SP4: variants seen among roughly 807,000 people sequenced by gnomAD.
SP4 encodes Sp4 transcription factor.
SP4 carries 19 observed loss-of-function variants against 72.8 expected under a neutral mutation model. That is an observed-to-expected ratio of 0.26 (90% CI 0.18 to 0.38). The LOEUF is 0.38. SP4 is among the 10% of genes least tolerant of loss of function. SP4 has a pLI of 1.00. For synonymous variants in SP4, 395 were observed against 333.1 expected (o/e 1.19, Z -2.02); for missense variants, 1,008 against 926.3 (o/e 1.09, Z -1.14).
At chr7:21,501,339 A>G (rs1357689590) in intron 5 of SP4, among the ~76,000 whole-genome samples, 3 of 151,676 alleles carry the variant, frequency 2.0e-5, no homozygotes, top group Non-Finnish European at 2.9e-5. Context: ...ATTTTCTCAC[A>G]AAGTCCCTCC....
At chr7:21,483,546 A>C (rs1438765569) in intron 5 of SP4, among the ~76,000 whole-genome samples, 1 of 151,902 alleles carries the variant, frequency 6.6e-6, no homozygotes, top group Non-Finnish European at 1.5e-5. Context: ...TGTTGATGGA[A>C]TGAAATGAGA....
chr7:21,480,412 G>A (rs1784651579), intron 4 of SP4, among the ~76,000 whole-genome samples: 1 of 152,076 alleles, frequency 6.6e-6, no homozygotes, highest in Admixed American at 6.6e-5. Context: ...CTTGTTGTAG[G>A]TGTATTCTGA....
chr7:21,470,071 T>C (rs1784286738), intron 3 of SP4, among the ~76,000 whole-genome samples: 1 of 152,184 alleles, frequency 6.6e-6, no homozygotes, highest in South Asian at 2.1e-4. Flanking sequence ...TCCACTTGAT[T>C]TGGTTTCTTA....
rs143442504 is a variant in SP4, at chr7:21,512,019, A to G, written c.*750A>G. On this transcript the variant is annotated 3_prime_UTR_variant, in exon 6 of 6. Coordinates refer to ENST00000222584, the MANE Select transcript of SP4 (RefSeq NM_003112.5). ...GAAAAAAATGGTTAAAACAAAACTCATCATAGCTTCAGAAAAATAAAATGA... is the reference window on the plus strand; with the variant it reads ...GAAAAAAATGGTTAAAACAAAACTCGTCATAGCTTCAGAAAAATAAAATGA... 177 of 152,746 alleles carry G rather than the reference A, an allele frequency of 1.2e-3. No homozygotes were observed. Among genetic ancestry groups the G allele is most frequent in the African/African-American group, 4.2e-3 (173 of 41,580 alleles). 9.5% of individuals were successfully genotyped at this position (152,746 alleles called of 1,614,324 possible). A position where few individuals can be genotyped will look rare whatever the true frequency, so the allele number is the denominator to read the frequency against.
At chr7:21,477,003 A>G in intron 3 of SP4, 76 bp from the exon 4 acceptor site, 1 of 1,059,022 alleles carries the variant, frequency 9.4e-7, no homozygotes, top group East Asian at 2.6e-5. Flanking sequence ...TTTATTATGC[A>G]CATAGATTTT....
Position 21,429,830 on chromosome 7 carries a change from A to C in SP4, c.665A>C (p.Gln222Pro). 1 of 1,614,226 alleles carries C rather than the reference A, an allele frequency of 6.2e-7. No homozygotes were observed. Among genetic ancestry groups the C allele is most frequent in the Non-Finnish European group, 8.5e-7 (1 of 1,180,042 alleles). The change falls in exon 3 of 6, where the codon CAA (glutamine) becomes CCA (proline). Residue 222 changes from glutamine (Q) to proline (P), a missense_variant. By Grantham distance (76) the Gln-to-Pro change is moderately conservative (BLOSUM62 -1). This residue lies in a region of SP4 where 893 missense variants were observed against 743.3 expected (regional missense o/e 1.20). Transcript: ENST00000222584. ...ACAGCTTCTGGGAATATTCTTGCTC[A>C]AAACCTGGCAAATCAGACAGTTCCG... ...NRTASGNILA[Q>P]NLANQTVPVQ...
At chr7:21,507,536 T>C (rs996287780) in intron 5 of SP4, among the ~76,000 whole-genome samples, 1 of 152,178 alleles carries the variant, frequency 6.6e-6, no homozygotes, top group African/African-American at 2.4e-5. Flanking sequence ...AGGCTCTTTT[T>C]CTTCTTCTTT....
Position 21,488,331 on chromosome 7 carries a change from A to G in SP4, c.2107+6208A>G, listed in dbSNP as rs1368210028. Among the ~76,000 whole-genome samples, 4 of 152,110 alleles carry G rather than the reference A, an allele frequency of 2.6e-5. No individual in the cohort carries two copies. In the East Asian group the frequency reaches 5.8e-4, roughly 22 times the overall value. ...TTTTGATAGTAGTTATAGTCTATGT[A>G]TGGACTTTAATTTTGTTTTATGTTC... On this transcript the variant is annotated intron_variant, in intron 5 of 5. Transcript: ENST00000222584.
intron 3 of SP4, among the ~76,000 whole-genome samples, chr7:21,439,049 T>C (rs1315189036): frequency 1.3e-5 from 2 of 152,168 alleles, no homozygotes; most frequent in African/African-American, 2.4e-5. Flanking sequence ...AAAAACAATA[T>C]GTATAGGGTT....
intron 3 of SP4, among the ~76,000 whole-genome samples, chr7:21,434,435 C>A (rs1455334270): frequency 6.6e-6 from 1 of 152,136 alleles, no homozygotes; most frequent in African/African-American, 2.4e-5. Context: ...GATCCTCTTC[C>A]CATTAACAAC....
chr7:21,435,847 A>ATT lies in SP4; in HGVS notation c.1678+5017_1678+5018dup, dbSNP rs113136334. Among the ~76,000 whole-genome samples the ATT allele has an allele frequency of 4.2e-3, 607 of 144,718 alleles. 3 individuals carry two copies. Among genetic ancestry groups the ATT allele is most frequent in the African/African-American group, 0.013 (529 of 39,728 alleles). The allele number at this position is 144,718 out of a possible 152,430, so 94.9% of individuals were successfully genotyped here. On this transcript the variant is annotated intron_variant, in intron 3 of 5. Coordinates refer to ENST00000222584, the MANE Select transcript of SP4 (RefSeq NM_003112.5). Reference sequence around the variant, plus strand: ...AGCCACATTAATTTTGTAAAAGGGCATTTTTTTTTTTTTTAAGAAGGACTT... The same window carrying ATT: ...AGCCACATTAATTTTGTAAAAGGGCATTTTTTTTTTTTTTTTAAGAAGGACTT...
intron 3 of SP4, among the ~76,000 whole-genome samples, chr7:21,443,271 G>A (rs1423412324): frequency 6.6e-6 from 1 of 152,202 alleles, no homozygotes; most frequent in Non-Finnish European, 1.5e-5. Context: ...AGGAGAATGG[G>A]ATGGACAGAT....
intron 5 of SP4, among the ~76,000 whole-genome samples, chr7:21,506,565 C>T (rs549038218): frequency 6.6e-6 from 1 of 152,258 alleles, no homozygotes; most frequent in Admixed American, 6.5e-5. Flanking sequence ...TTTCTGACTA[C>T]CTCTTCCACA....
Position 21,430,038 on chromosome 7 carries a change from T to C in SP4, c.873T>C (p.Asp291=), listed in dbSNP as rs1304381476. Residue 291 remains aspartate, a synonymous_variant, in exon 3 of 6, where the codon GAT becomes GAC. Transcript: ENST00000222584. ...TTGGCCAGCCTGCTGCTACTGCTGA[T>C]AGTGGGACTTCCAATGGGAATCAAT... ...GQVGQPAATA[D]SGTSNGNQLV... 1.2e-6 allele frequency: 2 copies of C among 1,614,202 alleles called. No individual in the cohort carries two copies. The highest frequency in any genetic ancestry group is 8.5e-7 in the Non-Finnish European group (1 of 1,180,036).
At chr7:21,504,103 T>C (rs1781933799) in intron 5 of SP4, among the ~76,000 whole-genome samples, 1 of 148,814 alleles carries the variant, frequency 6.7e-6, no homozygotes, top group South Asian at 2.1e-4. Flanking sequence ...TAGTCTAATT[T>C]CTTCGTCCAG....
chr7:21,461,400 C>T (rs969414411), intron 3 of SP4, among the ~76,000 whole-genome samples: 1 of 152,310 alleles, frequency 6.6e-6, no homozygotes, highest in East Asian at 1.9e-4. Flanking sequence ...CAGCTAAGGC[C>T]TGGCGAGAAA....
chr7:21,498,952 G>A (rs1337643576), intron 5 of SP4, among the ~76,000 whole-genome samples: 5 of 151,568 alleles, frequency 3.3e-5, no homozygotes, highest in African/African-American at 4.9e-5. Flanking sequence ...GCACAGTGGC[G>A]GCCTGTAGTC....
chr7:21,459,115 A>G (rs77458225), intron 3 of SP4, among the ~76,000 whole-genome samples: 2,086 of 104,858 alleles, frequency 0.02, 47 homozygotes, highest in East Asian at 0.17. Context: ...ATGTTTTGGG[A>G]ATTGTTTTGT....
Position 21,428,727 on chromosome 7 carries a change from A to C in SP4, c.58A>C (p.Thr20Pro). 6.4e-7 allele frequency: 1 copy of C among 1,554,620 alleles called. No individual in the cohort carries two copies. The highest frequency in any genetic ancestry group is 8.7e-7 in the Non-Finnish European group (1 of 1,148,710). ...GGCGGCAGCGGCAGCGGCGATGGCT[A>C]CAGAAGGAGGGAAAACCTCTGAGCC... ...EEAAAAAAMA[T>P]EGGKTSEPEN... The change falls in exon 2 of 6, where the codon ACA (threonine) becomes CCA (proline). Residue 20 changes from threonine to proline, a missense_variant. Thr to Pro is a conservative substitution (Grantham distance 38, BLOSUM62 -1). Transcript: ENST00000222584.
Sources: allele counts gnomAD v4.1 joint callset (sites outside exome capture counted in the v4.1 genomes callset), GRCh38; gene constraint gnomAD v4.1.1; regional missense constraint gnomAD v4.1.1; transcripts MANE v1.5; gene names NCBI Gene and HGNC (gene_info 2026-07-23, HGNC 2026-07-21).